The following LAMA3 variants were observed in gnomAD, a reference collection of about 807,000 sequenced individuals.
LAMA3 encodes the protein laminin subunit alpha 3, also known as laminin subunit alpha-3.
In LAMA3, 281 loss-of-function variants were observed where a neutral mutation model predicts 402.0. That is an observed-to-expected ratio of 0.70 (90% CI 0.63 to 0.77). The LOEUF is 0.77. Ranked by LOEUF, LAMA3 falls within the 30% of genes least tolerant of loss-of-function variation. The probability of loss-of-function intolerance (pLI) is 0.00; values close to 1 mark genes in which losing one functional copy is unlikely to be tolerated. For synonymous variants in LAMA3, 1,431 were observed against 1,558.4 expected, an observed-to-expected ratio of 0.92 and a Z score of 1.93; for missense variants, 3,840 against 4,215.5, an observed-to-expected ratio of 0.91 and a Z score of 2.47.
chr18:23,712,987 G>A (rs2061024839), intron 1 of LAMA3, among the ~76,000 whole-genome samples: 1 of 152,078 alleles, frequency 6.6e-6, no homozygotes, highest in African/African-American at 2.4e-5. Flanking sequence ...AAAGGCCTAT[G>A]TTCAGGTTTT....
At chr18:23,768,661 T>G (rs1005981363) in intron 8 of LAMA3, among the ~76,000 whole-genome samples, 2 of 152,166 alleles carry the variant, frequency 1.3e-5, no homozygotes, top group Non-Finnish European at 2.9e-5. Flanking sequence ...AGAAATAAAT[T>G]ATTTCATCAA....
chr18:23,849,955 G>T (rs1598917694), intron 32 of LAMA3, among the ~76,000 whole-genome samples: 2 of 152,166 alleles, frequency 1.3e-5, no homozygotes, highest in Admixed American at 1.3e-4. Context: ...TGCACAAATT[G>T]CCCATGATAA....
At position 23,905,514 on chromosome 18, in the gene LAMA3, G is replaced by T; in HGVS notation, c.6616-8G>T. ...TTTGTTTAAGGCTGTTAAATGCTTT[G>T]CTTTCAGACAGTGATAAAGGAAGAT... On this transcript the variant is annotated splice_region_variant and splice_polypyrimidine_tract_variant and intron_variant, in intron 51 of 74. Transcript: ENST00000313654. 1 of 1,516,616 alleles carries T rather than the reference G, an allele frequency of 6.6e-7. No individual in the cohort carries two copies. Among genetic ancestry groups the T allele is most frequent in the East Asian group, 2.3e-5 (1 of 44,268 alleles). 93.9% of individuals were successfully genotyped at this position (1,516,616 alleles called of 1,614,324 possible).
intron 30 of LAMA3, 60 bp downstream of exon 30, chr18:23,845,184 G>C (rs2063786792): frequency 1.0e-6 from 1 of 994,054 alleles, no homozygotes; most frequent in Admixed American, 1.7e-5. Context: ...TTCCTGACCA[G>C]CTCGAGGCCC....
At chr18:23,836,890 A>T (rs898830662) in intron 24 of LAMA3, 91 bp from the exon 25 acceptor site, 2 of 859,320 alleles carry the variant, frequency 2.3e-6, no homozygotes, top group Non-Finnish European at 4.0e-6. Context: ...TAAACAGGTG[A>T]AACCAAAGAG....
In LAMA3 at chr18:23,905,629, TA is replaced by T. The variant is rs1224683236; in HGVS notation, c.6718+6del. 1 of 1,545,546 alleles carries T rather than the reference TA, an allele frequency of 6.5e-7. No homozygotes were observed. Among genetic ancestry groups the T allele is most frequent in the Non-Finnish European group, 8.9e-7 (1 of 1,118,704 alleles). ...CACAAAAGAAGCTAAAGCAAGGTAT[TA>T]GGGGGAGTGGGCAATGGCAGGGATA... On this transcript the variant is annotated splice_donor_region_variant and intron_variant, in intron 52 of 74. Coordinates refer to ENST00000313654, the MANE Select transcript of LAMA3 (RefSeq NM_198129.4).
chr18:23,711,533 C>T (rs1242815668), intron 1 of LAMA3, among the ~76,000 whole-genome samples: 3 of 152,132 alleles, frequency 2.0e-5, no homozygotes, highest in African/African-American at 7.2e-5. Flanking sequence ...CAGGAAATAA[C>T]GTATGTTAGT....
chr18:23,749,320 GT>G, intron 3 of LAMA3, 107 bp from the exon 4 acceptor site: 1 of 683,510 alleles, frequency 1.5e-6, no homozygotes, highest in Non-Finnish European at 2.5e-6. Context: ...ATGCCTTTCT[GT>G]TTTTTCTTTC....
At chr18:23,834,273 C>G (rs951236738) in intron 24 of LAMA3, 53 of 409,634 alleles carry the variant, frequency 1.3e-4, no homozygotes, top group Admixed American at 1.8e-4. Context: ...ATTTGATTCT[C>G]TATCACTCAG....
At chr18:23,796,709 A>T (rs146207799) in intron 12 of LAMA3, among the ~76,000 whole-genome samples, 10 of 151,726 alleles carry the variant, frequency 6.6e-5, no homozygotes, top group Non-Finnish European at 8.8e-5. Context: ...ATTTTTTTTT[A>T]ATTTTTAAAA....
intron 61 of LAMA3, 63 bp downstream of exon 61, chr18:23,921,117 A>C: frequency 6.5e-7 from 1 of 1,532,526 alleles, no homozygotes; most frequent in South Asian, 1.1e-5. Context: ...AAATTAAGTC[A>C]GTGCCCCCAA....
In LAMA3 at chr18:23,894,300, T is replaced by C; in HGVS notation, c.5413T>C (p.Cys1805Arg). 2 of 1,611,282 alleles carry C rather than the reference T, an allele frequency of 1.2e-6. No individual in the cohort carries two copies. Among genetic ancestry groups the C allele is most frequent in the Non-Finnish European group, 1.7e-6 (2 of 1,177,390 alleles). ...LGSCHPLTGD[C>R]INQEPKDSSP... ...CTTTGGTTATTTTCTGATTTTAGAC[T>C]GCATAAACCAAGAACCCAAAGATAG... Residue 1805 changes from cysteine (C) to arginine (R), a missense_variant and splice_region_variant, in exon 43 of 75, where the codon TGC (cysteine) becomes CGC (arginine). By Grantham distance (180) the Cys-to-Arg change is radical. Transcript: ENST00000313654.
At chr18:23,867,567 A>T (rs925846988) in intron 36 of LAMA3, among the ~76,000 whole-genome samples, 8 of 151,418 alleles carry the variant, frequency 5.3e-5, no homozygotes, top group Non-Finnish European at 1.2e-4. Context: ...AAAAAAAAAA[A>T]AGAAAAAAAA....
chr18:23,809,607 A>T (rs576001995), intron 12 of LAMA3, among the ~76,000 whole-genome samples: 6 of 152,258 alleles, frequency 3.9e-5, no homozygotes, highest in Non-Finnish European at 7.4e-5. Context: ...TAGGGACCTG[A>T]TCCAGTGGGA....
intron 1 of LAMA3, chr18:23,710,136 G>C: frequency 2.9e-6 from 2 of 701,008 alleles, no homozygotes; most frequent in Admixed American, 3.5e-5. Context: ...TGGAGTCGCC[G>C]TGTCGTGGGC....
intron 2 of LAMA3, among the ~76,000 whole-genome samples, chr18:23,744,846 A>AG (rs2061623818): frequency 6.6e-6 from 1 of 151,180 alleles, no homozygotes; most frequent in African/African-American, 2.4e-5. Context: ...AAAAAAAAAA[A>AG]AAAAAAAAAA....
At chr18:23,832,863 G>A (rs983982274) in intron 23 of LAMA3, among the ~76,000 whole-genome samples, 1 of 152,100 alleles carries the variant, frequency 6.6e-6, no homozygotes, top group Admixed American at 6.5e-5. Flanking sequence ...AGTAAAAAAA[G>A]CAAGTCATAG....
At chr18:23,738,213 T>C (rs1338789151) in intron 2 of LAMA3, among the ~76,000 whole-genome samples, 2 of 151,850 alleles carry the variant, frequency 1.3e-5, no homozygotes, top group Middle Eastern at 3.2e-3. Context: ...GGGGTAGGGC[T>C]GGAAGAGGAT....
intron 70 of LAMA3, chr18:23,946,833 T>C (rs189170197): frequency 6.1e-6 from 1 of 162,884 alleles, no homozygotes; most frequent in Non-Finnish European, 1.3e-5. Flanking sequence ...ACTGTTAATA[T>C]CAAACTAAGT....
Sources: allele counts gnomAD v4.1 joint callset (sites outside exome capture counted in the v4.1 genomes callset), GRCh38; gene constraint gnomAD v4.1.1; transcripts MANE v1.5; gene names NCBI Gene and HGNC (gene_info 2026-07-23, HGNC 2026-07-21).